Variants in ESRRG observed in about 807,000 individuals in gnomAD.
ESRRG encodes the protein estrogen related receptor gamma.
ESRRG carries 13 observed loss-of-function variants against 44.0 expected under a neutral mutation model. The ratio of observed to expected loss-of-function variants is 0.30; its 90% CI spans 0.19 to 0.47. ESRRG has a LOEUF of 0.47. ESRRG is among the 20% of genes least tolerant of loss of function. The pLI is 1.00. For missense variants in ESRRG, 395 were observed against 580.6 expected (o/e 0.68, Z 3.29); for synonymous variants, 215 against 214.6 (o/e 1.00, Z -0.02).
chr1:217,028,180 G>T (rs528624436), intron 1 of ESRRG, among the ~76,000 whole-genome samples: 22 of 152,218 alleles, frequency 1.4e-4, no homozygotes, highest in African/African-American at 5.1e-4. Flanking sequence ...CGGTCTTACA[G>T]AATAGCATCT....
At chr1:216,949,790 G>A (rs1015081981) in intron 1 of ESRRG, among the ~76,000 whole-genome samples, 1 of 151,892 alleles carries the variant, frequency 6.6e-6, no homozygotes, top group African/African-American at 2.4e-5. Context: ...AGTTTAGGGA[G>A]GGGAAAGAAC....
intron 2 of ESRRG, among the ~76,000 whole-genome samples, chr1:216,918,797 A>G (rs1433114735): frequency 6.7e-6 from 1 of 149,348 alleles, no homozygotes; most frequent in Admixed American, 6.7e-5. Flanking sequence ...TATATTTGAA[A>G]TCAGAGAACC....
At chr1:216,861,049 G>A (rs899181754) in intron 2 of ESRRG, among the ~76,000 whole-genome samples, 1 of 151,992 alleles carries the variant, frequency 6.6e-6, no homozygotes, top group African/African-American at 2.4e-5. Context: ...TCTGTGATAA[G>A]TAAAACATGT....
Position 216,750,322 on chromosome 1 carries a change from C to T in ESRRG, c.-13-72831G>A, listed in dbSNP as rs1576125959. On this transcript the variant is annotated intron_variant, in intron 2 of 7. Coordinates refer to the ESRRG transcript ENST00000359162. ...TAGCCAACCTCTCAGTACCACATTC[C>T]ATTTGTGATAGACTTTCTCTCTCCT... is the stretch of plus-strand genomic sequence containing the variant. Among the ~76,000 whole-genome samples, 3 of 152,218 alleles carry T rather than the reference C, an allele frequency of 2.0e-5. No homozygotes were observed. The South Asian group carries it at 6.2e-4, about 32-fold the overall frequency.
chr1:216,883,237 T>A (rs1452224587), intron 2 of ESRRG, among the ~76,000 whole-genome samples: 1 of 151,604 alleles, frequency 6.6e-6, no homozygotes, highest in East Asian at 1.9e-4. Context: ...ACAAAAAAAA[T>A]TAGCCAGGCA....
intron 2 of ESRRG, among the ~76,000 whole-genome samples, chr1:216,778,029 T>G (rs1035031123): frequency 2.0e-5 from 3 of 152,078 alleles, no homozygotes; most frequent in African/African-American, 7.2e-5. Context: ...AGAGTAAGAA[T>G]CTAGGAGTCA....
intron 1 of ESRRG, among the ~76,000 whole-genome samples, chr1:217,073,002 T>C (rs906447316): frequency 2.6e-5 from 4 of 151,728 alleles, no homozygotes; most frequent in African/African-American, 7.3e-5. Flanking sequence ...GGAAAGAAGA[T>C]TGTAGAGAGA....
Position 217,098,787 on chromosome 1 carries a change from A to G in ESRRG, c.-230+38880T>C, listed in dbSNP as rs186712449. Among the ~76,000 whole-genome samples the G allele has an allele frequency of 1.4e-4, 21 of 152,324 alleles. No individual in the cohort carries two copies. In the South Asian group the frequency reaches 3.1e-3, roughly 23 times the overall value. On this transcript the variant is annotated intron_variant, in intron 1 of 8. Transcript: ENST00000366940. ...ATTTCCAAAGCGATTGAACAGTGAA[A>G]CCACTTTTAACTCAGCATTTCTCAG...
At chr1:216,877,662 C>T (rs1204556910) in intron 2 of ESRRG, among the ~76,000 whole-genome samples, 1 of 152,056 alleles carries the variant, frequency 6.6e-6, no homozygotes, top group Non-Finnish European at 1.5e-5. Context: ...CCTCAGCCTC[C>T]CAAAGTGCTG....
chr1:216,846,230 A>C (rs1377652553), intron 2 of ESRRG, among the ~76,000 whole-genome samples: 1 of 152,124 alleles, frequency 6.6e-6, no homozygotes, highest in Non-Finnish European at 1.5e-5. Context: ...AAATATTTCC[A>C]CGTCTTTACG....
intron 1 of ESRRG, among the ~76,000 whole-genome samples, chr1:216,988,073 C>T (rs11572451): frequency 0.025 from 3,738 of 152,100 alleles, 148 homozygotes; most frequent in African/African-American, 0.084. Context: ...AACTATATGC[C>T]CCTGAATCTT....
chr1:217,051,243 A>T (rs1318506699), intron 1 of ESRRG, among the ~76,000 whole-genome samples: 1 of 139,852 alleles, frequency 7.2e-6, no homozygotes, highest in Non-Finnish European at 1.5e-5. Context: ...AGACTGGGTC[A>T]TTCTTGGCTT....
chr1:216,757,478 C>T (rs527845667), intron 2 of ESRRG, among the ~76,000 whole-genome samples: 8 of 151,708 alleles, frequency 5.3e-5, no homozygotes, highest in Admixed American at 2.0e-4. Flanking sequence ...TGGCCTTTGA[C>T]AATTTTTTTT....
intron 1 of ESRRG, among the ~76,000 whole-genome samples, chr1:216,974,518 T>C (rs1337537225): frequency 6.6e-6 from 1 of 152,198 alleles, no homozygotes; most frequent in Non-Finnish European, 1.5e-5. Context: ...AATATTTTTA[T>C]TCCTAAACCA....
In ESRRG at chr1:216,671,656, G is replaced by A. The variant is rs191427468; in HGVS notation, c.472+5420C>T. Among the ~76,000 whole-genome samples the A allele has an allele frequency of 1.2e-4, 18 of 152,236 alleles. No individual in the cohort carries two copies. The East Asian group carries it at 3.5e-3, about 29-fold the overall frequency. On this transcript the variant is annotated intron_variant, in intron 2 of 6. Coordinates refer to ENST00000408911, the MANE Select transcript of ESRRG (RefSeq NM_001438.4). ...CACAGCTGGTAAGTGGCTGAGACTT[G>A]GGCCTGGCTTTATATAAATCCAAAA...
At chr1:216,668,796 C>G (rs911591924) in intron 2 of ESRRG, among the ~76,000 whole-genome samples, 1 of 151,752 alleles carries the variant, frequency 6.6e-6, no homozygotes, top group Non-Finnish European at 1.5e-5. Context: ...CTTGAAATAT[C>G]CAAACAGAGA....
intron 1 of ESRRG, chr1:217,000,853 T>G (rs1301582162): frequency 6.6e-6 from 1 of 152,224 alleles, no homozygotes; most frequent in Admixed American, 6.5e-5. Context: ...CCATGCCAAT[T>G]GAAACTCCAG....
chr1:216,791,278 G>A (rs1176780585), intron 2 of ESRRG, among the ~76,000 whole-genome samples: 4 of 151,910 alleles, frequency 2.6e-5, no homozygotes, highest in East Asian at 1.9e-4. Flanking sequence ...TTAAAAGTGC[G>A]TGGCACCTCC....
intron 2 of ESRRG, among the ~76,000 whole-genome samples, chr1:216,888,127 A>T (rs1180580528): frequency 6.6e-6 from 1 of 152,012 alleles, no homozygotes; most frequent in African/African-American, 2.4e-5. Flanking sequence ...AAACAATGCA[A>T]TTTTTCCTTT....
Sources: gnomAD v4.1 joint callset for allele counts (sites outside exome capture counted in the v4.1 genomes callset) on GRCh38, gnomAD v4.1.1 for gene constraint, MANE v1.5 for transcripts, NCBI Gene and HGNC (gene_info 2026-07-23, HGNC 2026-07-21) for gene names.